Variants in CACNA2D4 observed in about 807,000 individuals in gnomAD.
CACNA2D4 encodes voltage-dependent calcium channel subunit alpha-2/delta-4.
CACNA2D4 carries 157 observed loss-of-function variants against 163.8 expected under a neutral mutation model. The observed-to-expected ratio is 0.96, with a 90% confidence interval of 0.84 to 1.09. The LOEUF (loss-of-function observed/expected upper bound fraction) is 1.09, where lower values mean the gene tolerates loss of function less well. CACNA2D4 is among the 50% of genes least tolerant of loss of function. The pLI, the probability that CACNA2D4 is intolerant of heterozygous loss-of-function variation, is 0.00. For missense variants in CACNA2D4, 1,410 were observed against 1,479.9 expected (o/e 0.95, Z 0.78); for synonymous variants, 598 against 586.9 (o/e 1.02, Z -0.27).
At chr12:1,821,003 G>A (rs1278061507) in intron 26 of CACNA2D4, among the ~76,000 whole-genome samples, 6 of 152,236 alleles carry the variant, frequency 3.9e-5, no homozygotes, top group African/African-American at 9.6e-5. Context: ...AAAGGTGCAC[G>A]ACACTGGGAA....
In CACNA2D4 at chr12:1,848,534, G is replaced by A. The variant is rs143711494; in HGVS notation, c.2247-1845C>T. Among the ~76,000 whole-genome samples the A allele has an allele frequency of 8.5e-5, 13 of 152,206 alleles. No homozygotes were observed. In the South Asian group the frequency reaches 1.5e-3, roughly 17 times the overall value. ...TTTATTTCTTATTTTATTTTTACCC[G>A]AAATATCTGTATAAGGAAAAACTTC... is the stretch of plus-strand genomic sequence containing the variant. On this transcript the variant is annotated intron_variant, in intron 23 of 37. Coordinates refer to ENST00000382722, the MANE Select transcript of CACNA2D4 (RefSeq NM_172364.5).
Position 1,802,656 on chromosome 12 carries a change from G to A in CACNA2D4, c.2722-1012C>T, listed in dbSNP as rs187922288. On this transcript the variant is annotated intron_variant, in intron 29 of 37. Coordinates refer to ENST00000382722, the MANE Select transcript of CACNA2D4 (RefSeq NM_172364.5). This position sits in a 1 kb window ranked among gnomAD's most constrained non-coding sequence, Gnocchi z 4.7. ...AAATTGGGGATAGCGTGTGTCCGGC[G>A]TGTGGCTCCCAGTAAATACTTGAAA... Among the ~76,000 whole-genome samples, 13 of 152,352 alleles carry A rather than the reference G, an allele frequency of 8.5e-5. No homozygotes were observed. Among genetic ancestry groups the A allele is most frequent in the South Asian group, 4.1e-4 (2 of 4,830 alleles).
At chr12:1,831,278 G>C in intron 26 of CACNA2D4, 1 of 1,613,696 alleles carries the variant, frequency 6.2e-7, no homozygotes, top group Middle Eastern at 1.6e-4. Flanking sequence ...ACCTGCTGCG[G>C]CACTCGCCGC....
chr12:1,882,644 G>A (rs996240012), intron 13 of CACNA2D4, among the ~76,000 whole-genome samples: 3 of 152,144 alleles, frequency 2.0e-5, no homozygotes, highest in Non-Finnish European at 4.4e-5. Context: ...AGGTCTGCTG[G>A]GGGTCTAAGG....
intron 31 of CACNA2D4, chr12:1,800,666 C>T (rs922065765): frequency 4.5e-5 from 27 of 600,132 alleles, no homozygotes; most frequent in Non-Finnish European, 7.1e-5. Context: ...TCAGACATCT[C>T]GGGTGGGGTT....
chr12:1,828,965 C>T lies in CACNA2D4; in HGVS notation c.2551+11774G>A, dbSNP rs890797237. On this transcript the variant is annotated intron_variant, in intron 26 of 37. Transcript: ENST00000382722. This position sits in a 1 kb window ranked among gnomAD's most constrained non-coding sequence, Gnocchi z 4.2. ...CGGTGGCAGGGAGGAAACGGTCCCG[C>T]GGGACGGCATTCCGCCTGACTTCCC... 1.6e-4 allele frequency among the ~76,000 whole-genome samples: 25 copies of T among 152,314 alleles called. No homozygotes were observed. Among genetic ancestry groups the T allele is most frequent in the Middle Eastern group, 3.4e-3 (1 of 294 alleles).
intron 20 of CACNA2D4, among the ~76,000 whole-genome samples, chr12:1,858,373 C>T (rs978774438): frequency 6.6e-6 from 1 of 152,176 alleles, no homozygotes; most frequent in Non-Finnish European, 1.5e-5. Context: ...GGTTTGACGA[C>T]AGACCCACAG....
At chr12:1,800,529 G>A (rs1035338107) in intron 31 of CACNA2D4, 91 bp from the exon 32 acceptor site, 1 of 1,323,712 alleles carries the variant, frequency 7.6e-7, no homozygotes, top group Non-Finnish European at 1.1e-6. Flanking sequence ...AGAGAGACCA[G>A]AGAGTGGGCT....
intron 26 of CACNA2D4, among the ~76,000 whole-genome samples, chr12:1,813,121 G>A (rs943066374): frequency 6.6e-6 from 1 of 152,164 alleles, no homozygotes; most frequent in Non-Finnish European, 1.5e-5. Context: ...GATGAGTCAC[G>A]GTTCTACTTC....
chr12:1,860,509 C>G (rs1309983111), intron 18 of CACNA2D4, among the ~76,000 whole-genome samples: 1 of 152,240 alleles, frequency 6.6e-6, no homozygotes, highest in Non-Finnish European at 1.5e-5. Context: ...GGCCAAGGAA[C>G]TGAATTTTCA....
chr12:1,858,605 G>T lies in CACNA2D4; in HGVS notation c.1980C>A (p.Ile660=). ...VVLSRGHGEY[I]LLGNTSVEEG... is the part of the protein sequence containing the mutation. ...CTTCCACAGACGTGTTCCCCAGAAGGATGTATTCTCCGTGGCCCCGGGACA... is the reference window on the plus strand; with the variant it reads ...CTTCCACAGACGTGTTCCCCAGAAGTATGTATTCTCCGTGGCCCCGGGACA... Residue 660 remains isoleucine, a synonymous_variant, in exon 20 of 38, where the codon ATC becomes ATA. Transcript: ENST00000382722. 1 of 1,612,872 alleles carries T rather than the reference G, an allele frequency of 6.2e-7. No individual in the cohort carries two copies. Among genetic ancestry groups the T allele is most frequent in the Non-Finnish European group, 8.5e-7 (1 of 1,179,294 alleles).
rs190285950 is a variant in CACNA2D4, at chr12:1,870,893, T to C, written c.1878+3711A>G. Among the ~76,000 whole-genome samples the C allele has an allele frequency of 9.9e-5, 15 of 152,054 alleles. No homozygotes were observed. The East Asian group carries it at 2.9e-3, about 29-fold the overall frequency. On this transcript the variant is annotated intron_variant, in intron 18 of 37. Coordinates refer to ENST00000382722, the MANE Select transcript of CACNA2D4 (RefSeq NM_172364.5). ...TGACTCCTTCTGCCGGACAAAAATG[T>C]GAGGGGAAGAGAGAGAGAGAAAGAC...
chr12:1,833,731 G>T lies in CACNA2D4; in HGVS notation c.2551+7008C>A, dbSNP rs1864731333. Among the ~76,000 whole-genome samples, 2 of 152,228 alleles carry T rather than the reference G, an allele frequency of 1.3e-5. No individual in the cohort carries two copies. The highest frequency in any genetic ancestry group is 4.8e-5 in the African/African-American group (2 of 41,452). The stretch of plus-strand genomic sequence containing the variant: ...CAACCAAAAGGTCTTGCGTGGAGGG[G>T]CAGCGGCAGGGGCAGTGGGTTTTGA... On this transcript the variant is annotated intron_variant, in intron 26 of 37. Coordinates refer to ENST00000382722, the MANE Select transcript of CACNA2D4 (RefSeq NM_172364.5). This position sits in a 1 kb window ranked among gnomAD's most constrained non-coding sequence, Gnocchi z 4.2.
At chr12:1,795,805 G>T in intron 35 of CACNA2D4, 25 bp from the exon 36 acceptor site, 2 of 1,460,412 alleles carry the variant, frequency 1.4e-6, no homozygotes, top group East Asian at 2.3e-5. Flanking sequence ...GGGAGTCGAG[G>T]ATGGCTCCGT....
At chr12:1,795,182 A>G (rs1863076478) in intron 37 of CACNA2D4, 117 bp downstream of exon 37, 1 of 801,904 alleles carries the variant, frequency 1.2e-6, no homozygotes, top group Non-Finnish European at 2.0e-6. Context: ...CGAGAAGCAC[A>G]GGCACAGGTG....
chr12:1,817,829 C>T (rs566610523), intron 26 of CACNA2D4, among the ~76,000 whole-genome samples: 3 of 151,798 alleles, frequency 2.0e-5, no homozygotes, highest in East Asian at 3.9e-4. Flanking sequence ...GATCTCGGCT[C>T]GCTACAACCT....
Position 1,834,569 on chromosome 12 carries a change from G to A in CACNA2D4, c.2551+6170C>T, listed in dbSNP as rs1482209245. On this transcript the variant is annotated intron_variant, in intron 26 of 37. Transcript: ENST00000382722. This position sits in a 1 kb window ranked among gnomAD's most constrained non-coding sequence, Gnocchi z 7.6. The stretch of plus-strand genomic sequence containing the variant: ...CATTGCAGGGGTCGTGTGCGGCGTC[G>A]TCTGCATCATGATGGTGGTGGCCGC... 16 of 1,601,518 alleles carry A rather than the reference G, an allele frequency of 1.0e-5. No homozygotes were observed. The highest frequency in any genetic ancestry group is 9.3e-5 in the African/African-American group (7 of 74,926).
intron 29 of CACNA2D4, 26 bp from the exon 30 acceptor site, chr12:1,801,670 G>A (rs1444404171): frequency 6.7e-7 from 1 of 1,499,982 alleles, no homozygotes; most frequent in Non-Finnish European, 9.1e-7. Context: ...AGCAGAGAGA[G>A]AGGGAGGGAG....
chr12:1,888,408 C>A (rs999710549), intron 6 of CACNA2D4, among the ~76,000 whole-genome samples: 2 of 152,052 alleles, frequency 1.3e-5, no homozygotes, highest in Non-Finnish European at 2.9e-5. Flanking sequence ...GCAAAGATTC[C>A]CAAATACATA....
Sources: allele counts gnomAD v4.1 joint callset (sites outside exome capture counted in the v4.1 genomes callset), GRCh38; gene constraint gnomAD v4.1.1; non-coding constraint Gnocchi (gnomAD v3.1); transcripts MANE v1.5; gene names NCBI Gene and HGNC (gene_info 2026-07-23, HGNC 2026-07-21).